The following UBE2S variants were observed in gnomAD, a reference collection of about 807,000 sequenced individuals.
The protein encoded by UBE2S is ubiquitin-conjugating enzyme E2 S.
A neutral mutation model predicts 12.3 loss-of-function variants in UBE2S; 3 were observed. The observed-to-expected ratio is 0.24, with a 90% CI of 0.11 to 0.63. The LOEUF is 0.63. Ranked by LOEUF, UBE2S falls within the 30% of genes least tolerant of loss-of-function variation. The pLI is 0.85. For missense variants in UBE2S, 211 were observed against 313.9 expected (o/e 0.67, Z 2.48); for synonymous variants, 133 against 142.0 (o/e 0.94, Z 0.45).
chr19:55,401,727 C>T lies in UBE2S; in HGVS notation c.378G>A (p.Glu126=), dbSNP rs148721709. 201 of 1,613,388 alleles carry T rather than the reference C, an allele frequency of 1.2e-4. No individual in the cohort carries two copies. The African/African-American group carries it at 2.3e-3, about 19-fold the overall frequency. ...GGCCCGCCTCCTCGTTGAGTGCAGA[C>T]TCGGGGTTAGGGTGGATCAGCAGGC... The part of the protein sequence containing the change: ...IKCLLIHPNP[E]SALNEEAGRL... The change falls in exon 4 of 4, where the codon GAG becomes GAA. Residue 126 remains glutamate (E), a synonymous_variant. Transcript: ENST00000264552.
rs767659246 is a variant in UBE2S at position 55,401,495 on chromosome 19, C to A, written c.610G>T (p.Asp204Tyr). The change falls in exon 4 of 4, where the codon GAT becomes TAT. Residue 204 changes from aspartate (D) to tyrosine (Y), a missense_variant. Transcript: ENST00000264552. ...TTTTTCTTGGCCGCCAGCTTCTTAT[C>A]GCGCTCGCCAGCATGCTTCTTGGCC... ...PMAKKHAGER[D>Y]KKLAAKKKTD... The A allele has an allele frequency of 2.5e-6, 4 of 1,609,418 alleles. No homozygotes were observed. In the African/African-American group the frequency reaches 4.0e-5, roughly 16 times the overall value.
At chr19:55,406,417 T>A (rs1481251325) in intron 2 of UBE2S, among the ~76,000 whole-genome samples, 2 of 152,166 alleles carry the variant, frequency 1.3e-5, no homozygotes, top group Non-Finnish European at 2.9e-5. Flanking sequence ...GCATCTGGCT[T>A]GTTTCCTCAT....
At chr19:55,405,047 C>A (rs1251253208) in intron 2 of UBE2S, among the ~76,000 whole-genome samples, 2 of 150,386 alleles carry the variant, frequency 1.3e-5, no homozygotes, top group African/African-American at 4.9e-5. Context: ...CCCGTCTCTA[C>A]TAAAAATACA....
At position 55,407,645 on chromosome 19, in the gene UBE2S, C is replaced by T. The variant is rs1353468314; in HGVS notation, c.-56G>A. On this transcript the variant is annotated 5_prime_UTR_variant, in exon 1 of 4. Transcript: ENST00000264552. ...GGCCCCCTTCCTGCGTTCTTCGGTCCGCCGGCCGGGGCGGGGGGCCCAACT... is the reference window on the plus strand; with the variant it reads ...GGCCCCCTTCCTGCGTTCTTCGGTCTGCCGGCCGGGGCGGGGGGCCCAACT... 7.7e-7 allele frequency: 1 copy of T among 1,296,550 alleles called. No homozygotes were observed. Among genetic ancestry groups the T allele is most frequent in the Non-Finnish European group, 9.8e-7 (1 of 1,016,946 alleles). 80.3% of individuals were successfully genotyped at this position (1,296,550 alleles called of 1,614,324 possible).
rs912814032 is a variant in UBE2S at position 55,405,515 on chromosome 19, G to GA, written c.152-1038dup. Among the ~76,000 whole-genome samples the GA allele has an allele frequency of 5.1e-4, 75 of 147,754 alleles. 1 individual carries two copies. Among genetic ancestry groups the GA allele is most frequent in the Admixed American group, 3.9e-3 (58 of 14,812 alleles). ...CAGAGCAAGACTCCGTTTAGAGAGA[G>GA]AAAAAAAAAAGAGCAAGAATGGCTG... On this transcript the variant is annotated intron_variant, in intron 2 of 3. Coordinates refer to ENST00000264552, the MANE Select transcript of UBE2S (RefSeq NM_014501.3).
chr19:55,401,862 CCCAACT>C, intron 3 of UBE2S, 100 bp from the exon 4 acceptor site: 2 of 1,279,032 alleles, frequency 1.6e-6, no homozygotes, highest in South Asian at 1.3e-5. Flanking sequence ...TCCTTCTGCT[CCCAACT>C]CAGCTGCAGA....
intron 3 of UBE2S, 21 bp from the exon 4 acceptor site, chr19:55,401,783 T>C (rs762238125): frequency 1.9e-6 from 3 of 1,612,338 alleles, no homozygotes; most frequent in Admixed American, 1.7e-5. Context: ...AGGCTCAGGG[T>C]CACAGTGGGT....
At chr19:55,403,102 C>A in intron 3 of UBE2S, 1 of 970,538 alleles carries the variant, frequency 1.0e-6, no homozygotes, top group African/African-American at 1.6e-5. Flanking sequence ...CCTCCACCCA[C>A]TAGATGCTAG....
At position 55,406,959 on chromosome 19, in the gene UBE2S, A is replaced by C; in HGVS notation, c.7T>G (p.Ser3Ala). The change falls in exon 2 of 4, where the codon TCC (serine) becomes GCC (alanine). Residue 3 changes from serine (S) to alanine (A), a missense_variant. By Grantham distance (99) the Ser-to-Ala change is moderately conservative. Coordinates refer to ENST00000264552, the MANE Select transcript of UBE2S (RefSeq NM_014501.3). MN[S>A]NVENLPPHII... ...TGCGGGGGTAGGTTCTCCACGTTGG[A>C]GTTCTGGGCACGGATGGGAGAGCAG... 5 of 1,613,440 alleles carry C rather than the reference A, an allele frequency of 3.1e-6. No individual in the cohort carries two copies. Among genetic ancestry groups the C allele is most frequent in the Non-Finnish European group, 4.2e-6 (5 of 1,179,678 alleles).
At chr19:55,403,742 A>T (rs958080686) in intron 3 of UBE2S, among the ~76,000 whole-genome samples, 24 of 140,126 alleles carry the variant, frequency 1.7e-4, no homozygotes, top group Admixed American at 5.0e-4. Context: ...TTTTTATCTT[A>T]TTTTTTTTTT....
chr19:55,405,641 G>A (rs2090092277), intron 2 of UBE2S, among the ~76,000 whole-genome samples: 1 of 152,038 alleles, frequency 6.6e-6, no homozygotes, highest in Admixed American at 6.6e-5. Flanking sequence ...CACCCTCCTG[G>A]ATCCCCCGTC....
chr19:55,407,555 C>T, intron 1 of UBE2S, 32 bp downstream of exon 1: 1 of 1,521,432 alleles, frequency 6.6e-7, no homozygotes. Context: ...ACACCCCCGA[C>T]CACCTTCATG....
Position 55,401,614 on chromosome 19 carries a change from C to T in UBE2S, c.491G>A (p.Arg164Lys). ...IHGGAGGPSG[R>K]AEAGRALASG... ...GGCCAGGGCCCGACCGGCTTCGGCC[C>T]TGCCGCTGGGCCCGCCGGCGCCCCC... The change falls in exon 4 of 4, where the codon AGG (arginine) becomes AAG (lysine). Residue 164 changes from arginine to lysine, a missense_variant. Around this residue, in one of 2 missense-constraint regions of UBE2S, gnomAD observed 84 missense variants for 89.9 expected, o/e 0.93. Transcript: ENST00000264552. 9 of 1,606,848 alleles carry T rather than the reference C, an allele frequency of 5.6e-6. No homozygotes were observed. The highest frequency in any genetic ancestry group is 7.6e-6 in the Non-Finnish European group (9 of 1,177,694).
At chr19:55,407,188 C>T (rs1287828193) in intron 1 of UBE2S, among the ~76,000 whole-genome samples, 1 of 131,460 alleles carries the variant, frequency 7.6e-6, no homozygotes, top group African/African-American at 3.0e-5. Context: ...ACTCCACCCA[C>T]CCCAGAACCC....
chr19:55,401,081 CAA>C lies in UBE2S; in HGVS notation c.*353_*354del, dbSNP rs1390326890. The stretch of plus-strand genomic sequence containing the variant: ...CCATTTTAGATTGGAAATCTGACTC[CAA>C]AGAGGGGTTGTGACCGCTCTACCTC... On this transcript the variant is annotated 3_prime_UTR_variant, in exon 4 of 4. Transcript: ENST00000264552. The C allele has an allele frequency of 3.5e-6, 1 of 284,594 alleles. No individual in the cohort carries two copies. The highest frequency in any genetic ancestry group is 5.2e-5 in the South Asian group (1 of 19,158). 17.6% of individuals were successfully genotyped at this position (284,594 alleles called of 1,614,324 possible).
intron 1 of UBE2S, 31 bp downstream of exon 1, chr19:55,407,556 C>G: frequency 6.6e-7 from 1 of 1,520,742 alleles, no homozygotes; most frequent in Non-Finnish European, 8.8e-7. Context: ...CACCCCCGAC[C>G]ACCTTCATGG....
chr19:55,406,526 C>G (rs911807391), intron 2 of UBE2S, among the ~76,000 whole-genome samples: 1 of 152,190 alleles, frequency 6.6e-6, no homozygotes, highest in Non-Finnish European at 1.5e-5. Flanking sequence ...TCTTCCCATT[C>G]CTACTTAATT....
At chr19:55,406,781 C>T in intron 2 of UBE2S, 34 bp downstream of exon 2, 4 of 1,595,010 alleles carry the variant, frequency 2.5e-6, no homozygotes, top group Non-Finnish European at 3.4e-6. Context: ...AGGATCTAAG[C>T]AGCAGCCCCT....
chr19:55,401,532 A>G lies in UBE2S; in HGVS notation c.573T>C (p.Ala191=). The G allele has an allele frequency of 1.9e-6, 3 of 1,610,504 alleles. No individual in the cohort carries two copies. Among genetic ancestry groups the G allele is most frequent in the Non-Finnish European group, 2.5e-6 (3 of 1,179,690 alleles). Reference sequence around the variant, plus strand: ...CATGCTTCTTGGCCATGGGACCCTCAGCCCCTCCCGGGCCCCCTGGGGCCC... The same window carrying G: ...CATGCTTCTTGGCCATGGGACCCTCGGCCCCTCCCGGGCCCCCTGGGGCCC... ...DPGAPGGPGG[A]EGPMAKKHAG... Residue 191 remains alanine (A), a synonymous_variant, in exon 4 of 4, where the codon GCT becomes GCC. Transcript: ENST00000264552.
Sources: allele counts gnomAD v4.1 joint callset (sites outside exome capture counted in the v4.1 genomes callset), GRCh38; gene constraint gnomAD v4.1.1; regional missense constraint gnomAD v4.1.1; transcripts MANE v1.5; gene names NCBI Gene and HGNC (gene_info 2026-07-23, HGNC 2026-07-21).